The following TBX6 variants were observed in gnomAD, a reference collection of about 807,000 sequenced individuals.
The protein encoded by TBX6 is T-box transcription factor 6.
Under a neutral mutation model 42.3 loss-of-function variants are expected in TBX6, and 29 were observed. The observed-to-expected ratio is 0.69, with a 90% CI of 0.51 to 0.93. The LOEUF is 0.93. Ranked by LOEUF, TBX6 falls within the 40% of genes least tolerant of loss-of-function variation. The pLI is 0.00. For missense variants in TBX6, 569 were observed against 603.3 expected (o/e 0.94, Z 0.59); for synonymous variants, 249 against 245.1 (o/e 1.02, Z -0.15).
chr16:30,090,916 A>G lies in TBX6; in HGVS notation c.195T>C (p.Pro65=). Residue 65 remains proline (P), a synonymous_variant, in exon 3 of 9, where the codon CCT becomes CCC. Transcript: ENST00000395224. ...CCATGGCAGGGGGCAGAAGGGGCAG[A>G]GGTGGGTGCGCGGCCAGGGTGCGGG... ...AAPRTLAAHP[P]LPLLPPAMGT... 6.2e-7 allele frequency: 1 copy of G among 1,612,582 alleles called. No homozygotes were observed. Among genetic ancestry groups the G allele is most frequent in the Non-Finnish European group, 8.5e-7 (1 of 1,179,486 alleles).
rs369459605 is a variant in TBX6 at position 30,085,882 on chromosome 16, TG to T, written c.*342del. On this transcript the variant is annotated 3_prime_UTR_variant, in exon 9 of 9. Coordinates refer to ENST00000395224, the MANE Select transcript of TBX6 (RefSeq NM_004608.4). ...CTGGTGTGGCCTGCACCAGTGTGTGTGGGGGGGTGGGGATTGAGCCCCTCCA... is the reference window on the plus strand; with the variant it reads ...CTGGTGTGGCCTGCACCAGTGTGTGTGGGGGGTGGGGATTGAGCCCCTCCA... 9 of 338,746 alleles carry T rather than the reference TG, an allele frequency of 2.7e-5. No individual in the cohort carries two copies. Among genetic ancestry groups the T allele is most frequent in the African/African-American group, 6.7e-5 (3 of 44,606 alleles). The allele number at this position is 338,746 out of a possible 1,614,324, so 21.0% of individuals were successfully genotyped here. A position where few individuals can be genotyped will look rare whatever the true frequency, so the allele number is the denominator to read the frequency against.
chr16:30,091,473 C>T, intron 1 of TBX6: 2 of 361,792 alleles, frequency 5.5e-6, no homozygotes, highest in South Asian at 5.0e-5. Context: ...ATTAACTCCT[C>T]GGCTTGATTG....
At position 30,086,777 on chromosome 16, in the gene TBX6, C is replaced by T; in HGVS notation, c.913+1G>A. On this transcript the variant is annotated splice_donor_variant, in intron 7 of 8. Transcript: ENST00000395224. LOFTEE classifies it high-confidence loss of function. This position sits in a 1 kb window ranked among gnomAD's most constrained non-coding sequence, Gnocchi z 4.6. ...CCCATCGCCATCGGGACTACACTCACCTCCGCTCCCATAGGCCTCTGTGGC... is the reference window on the plus strand; with the variant it reads ...CCCATCGCCATCGGGACTACACTCATCTCCGCTCCCATAGGCCTCTGTGGC... 1 of 1,614,014 alleles carries T rather than the reference C, an allele frequency of 6.2e-7. No homozygotes were observed. Among genetic ancestry groups the T allele is most frequent in the Non-Finnish European group, 8.5e-7 (1 of 1,179,974 alleles).
rs1362094793 is a variant in TBX6 at position 30,086,093 on chromosome 16, T to C, written c.*132A>G. ...TGGGAGTGAAATCAAGGTGTGAAGT[T>C]GAGGGGGTGGGTGGGCAGGCCCAAG... On this transcript the variant is annotated 3_prime_UTR_variant, in exon 9 of 9. Coordinates refer to ENST00000395224, the MANE Select transcript of TBX6 (RefSeq NM_004608.4). The surrounding 1 kb of genome is among the most constrained non-coding windows in gnomAD (Gnocchi z 4.6). The C allele has an allele frequency of 1.6e-6, 1 of 641,174 alleles. No homozygotes were observed. The highest frequency in any genetic ancestry group is 6.0e-5 in the African/African-American group (1 of 16,560). The allele number at this position is 641,174 out of a possible 1,614,324, so 39.7% of individuals were successfully genotyped here. A position where few individuals can be genotyped will look rare whatever the true frequency, so the allele number is the denominator to read the frequency against.
Position 30,090,922 on chromosome 16 carries a change from G to A in TBX6, c.189C>T (p.His63=). The A allele has an allele frequency of 6.2e-7, 1 of 1,612,850 alleles. No homozygotes were observed. The highest frequency in any genetic ancestry group is 8.5e-7 in the Non-Finnish European group (1 of 1,179,622). ...MEAAPRTLAA[H]PPLPLLPPAM... The stretch of plus-strand genomic sequence containing the variant: ...CAGGGGGCAGAAGGGGCAGAGGTGG[G>A]TGCGCGGCCAGGGTGCGGGGAGCAG... Residue 63 remains histidine (H), a synonymous_variant, in exon 3 of 9, where the codon CAC becomes CAT. Transcript: ENST00000395224.
In TBX6 at chr16:30,085,866, C is replaced by T. The variant is rs1332796195; in HGVS notation, c.*359G>A. 2 of 316,310 alleles carry T rather than the reference C, an allele frequency of 6.3e-6. No homozygotes were observed. The highest frequency in any genetic ancestry group is 2.1e-4 in the East Asian group (2 of 9,434). 19.6% of individuals were successfully genotyped at this position (316,310 alleles called of 1,614,324 possible). Reference sequence around the variant, plus strand: ...GTCCCAGAACAACAGACTGGTGTGGCCTGCACCAGTGTGTGTGGGGGGGTG... The same window carrying T: ...GTCCCAGAACAACAGACTGGTGTGGTCTGCACCAGTGTGTGTGGGGGGGTG... On this transcript the variant is annotated 3_prime_UTR_variant, in exon 9 of 9. Transcript: ENST00000395224.
intron 1 of TBX6, 54 bp from the exon 2 acceptor site, chr16:30,091,295 C>T (rs1047907367): frequency 1.8e-5 from 18 of 1,000,806 alleles, no homozygotes; most frequent in African/African-American, 1.8e-4. Flanking sequence ...GATCCAGGAT[C>T]ACAGCCCCTC....
intron 6 of TBX6, 156 bp from the exon 7 acceptor site, chr16:30,087,007 AAAATT>A: frequency 1.3e-6 from 1 of 794,036 alleles, no homozygotes; most frequent in Non-Finnish European, 2.0e-6. Context: ...TGAAGGCCAG[AAAATT>A]AAATAACTAG....
Position 30,091,167 on chromosome 16 carries a change from C to G in TBX6, c.27G>C (p.Pro9=). The stretch of plus-strand genomic sequence containing the variant: ...CCAGGCGGTAGCCGGCCCCCAGGGA[C>G]GGGTACAATTCTCGTGGATGGTACA... MYHPRELY[P]SLGAGYRLGP... is the part of the protein sequence containing the mutation. The change falls in exon 2 of 9, where the codon CCG becomes CCC. Residue 9 remains proline (P), a synonymous_variant. Transcript: ENST00000395224. The G allele has an allele frequency of 1.3e-6, 2 of 1,592,448 alleles. No homozygotes were observed. The highest frequency in any genetic ancestry group is 1.7e-6 in the Non-Finnish European group (2 of 1,171,548).
In TBX6 at chr16:30,090,664, C is replaced by T. The variant is rs1596855096; in HGVS notation, c.353+94G>A. The T allele has an allele frequency of 2.3e-6, 3 of 1,301,916 alleles. No homozygotes were observed. In the East Asian group the frequency reaches 7.4e-5, roughly 32 times the overall value. The allele number at this position is 1,301,916 out of a possible 1,614,324, so 80.6% of individuals were successfully genotyped here. ...TCTAGGCCTAGGCAGAGCTCTAGCC[C>T]CTCGGGAACCACCCAGTCCTAGCCC... On this transcript the variant is annotated intron_variant, in intron 3 of 8. Coordinates refer to ENST00000395224, the MANE Select transcript of TBX6 (RefSeq NM_004608.4).
At position 30,086,869 on chromosome 16, in the gene TBX6, T is replaced by C; in HGVS notation, c.840-18A>G. 3.3e-6 allele frequency: 2 copies of C among 611,828 alleles called. No homozygotes were observed. Among genetic ancestry groups the C allele is most frequent in the Non-Finnish European group, 4.7e-6 (2 of 422,378 alleles). 37.9% of individuals were successfully genotyped at this position (611,828 alleles called of 1,614,324 possible). A position where few individuals can be genotyped will look rare whatever the true frequency, so the allele number is the denominator to read the frequency against. On this transcript the variant is annotated intron_variant, in intron 6 of 8. Transcript: ENST00000395224. The surrounding 1 kb of genome is among the most constrained non-coding windows in gnomAD (Gnocchi z 4.6). ...CTCGCTCCCTGGGGAACAGTGGTGG[T>C]GATGATGATGATGATGGTGATGGCC...
Position 30,086,185 on chromosome 16 carries a change from C to T in TBX6, c.*40G>A, listed in dbSNP as rs372141856. ...GGGCTCCAGGGCTGGGGGAAGGGAG[C>T]GGGAGGTTTGTGATGGAGGCAGAGG... On this transcript the variant is annotated 3_prime_UTR_variant, in exon 9 of 9. Coordinates refer to ENST00000395224, the MANE Select transcript of TBX6 (RefSeq NM_004608.4). The surrounding 1 kb of genome is among the most constrained non-coding windows in gnomAD (Gnocchi z 4.6). 3.6e-5 allele frequency: 58 copies of T among 1,597,796 alleles called. No homozygotes were observed. The highest frequency in any genetic ancestry group is 6.8e-5 in the East Asian group (3 of 43,924).
Position 30,089,192 on chromosome 16 carries a change from G to A in TBX6, c.372C>T (p.Cys124=). Residue 124 remains cysteine (C), a synonymous_variant, in exon 4 of 9, where the codon TGC becomes TGT. Coordinates refer to ENST00000395224, the MANE Select transcript of TBX6 (RefSeq NM_004608.4). ...GGTCCAGGCCAGTGACTGACACTCGGCAGGCAGGGAACATGCGCCTGTGCA... is the reference window on the plus strand; with the variant it reads ...GGTCCAGGCCAGTGACTGACACTCGACAGGCAGGGAACATGCGCCTGTGCA... ...TKAGRRMFPA[C]RVSVTGLDPE... is the part of the protein sequence containing the mutation. 5.6e-6 allele frequency: 9 copies of A among 1,613,782 alleles called. No homozygotes were observed. Among genetic ancestry groups the A allele is most frequent in the Non-Finnish European group, 7.6e-6 (9 of 1,179,874 alleles).
Position 30,088,908 on chromosome 16 carries a change from C to G in TBX6, c.621+35G>C. ...CCCTTGGCCTCCCTTCCAGCACCCC[C>G]CAACCCTATCCTGGAGTCCCAGCCT... On this transcript the variant is annotated intron_variant, in intron 4 of 8. Coordinates refer to ENST00000395224, the MANE Select transcript of TBX6 (RefSeq NM_004608.4). The surrounding 1 kb of genome is among the most constrained non-coding windows in gnomAD (Gnocchi z 4.1). 6.2e-7 allele frequency: 1 copy of G among 1,603,050 alleles called. No individual in the cohort carries two copies. Among genetic ancestry groups the G allele is most frequent in the Non-Finnish European group, 8.5e-7 (1 of 1,171,954 alleles).
rs1240143177 is a variant in TBX6 at position 30,086,122 on chromosome 16, G to GCCA, written c.*100_*102dup. The GCCA allele has an allele frequency of 8.6e-6, 11 of 1,283,340 alleles. No individual in the cohort carries two copies. The highest frequency in any genetic ancestry group is 7.2e-5 in the Admixed American group (3 of 41,912). The allele number at this position is 1,283,340 out of a possible 1,614,324, so 79.5% of individuals were successfully genotyped here. A position where few individuals can be genotyped will look rare whatever the true frequency, so the allele number is the denominator to read the frequency against. On this transcript the variant is annotated 3_prime_UTR_variant, in exon 9 of 9. Transcript: ENST00000395224. This position sits in a 1 kb window ranked among gnomAD's most constrained non-coding sequence, Gnocchi z 4.6. ...GGGGTGGGTGGGCAGGCCCAAGGCG[G>GCCA]CCATTTGGTGTGGGGGATGGGGCCG...
In TBX6 at chr16:30,091,156, GC is replaced by G; in HGVS notation, c.37del (p.Ala13ProfsTer20). The G allele has an allele frequency of 6.3e-7, 1 of 1,594,728 alleles. No individual in the cohort carries two copies. Among genetic ancestry groups the G allele is most frequent in the Non-Finnish European group, 8.5e-7 (1 of 1,172,618 alleles). On this transcript the variant is annotated frameshift_variant, in exon 2 of 9. Coordinates refer to ENST00000395224, the MANE Select transcript of TBX6 (RefSeq NM_004608.4). LOFTEE classifies it high-confidence loss of function. Reference sequence around the variant, plus strand: ...TTGGGCGGGCCCCAGGCGGTAGCCGGCCCCCAGGGACGGGTACAATTCTCGT... The same window carrying G: ...TTGGGCGGGCCCCAGGCGGTAGCCGGCCCCAGGGACGGGTACAATTCTCGT... ...HPRELYPSLG[A>X]GYRLGPAQPG...
At chr16:30,091,343 C>A (rs2072721759) in intron 1 of TBX6, 102 bp from the exon 2 acceptor site, 2 of 674,382 alleles carry the variant, frequency 3.0e-6, no homozygotes. Context: ...GGGGTGGAGA[C>A]CCCTGGGGCC....
At chr16:30,087,414 A>C (rs1287802173) in intron 6 of TBX6, among the ~76,000 whole-genome samples, 1 of 151,920 alleles carries the variant, frequency 6.6e-6, no homozygotes, top group Non-Finnish European at 1.5e-5. Flanking sequence ...CTGCAAGCGC[A>C]AGTTCCTCAA....
Position 30,086,446 on chromosome 16 carries a change from G to A in TBX6, c.1098-8C>T. ...TCCGGGAAGCTGGGGCTCCTGACATGGAGAGAGGGATGTCAGAGCAGGGCA... is the reference window on the plus strand; with the variant it reads ...TCCGGGAAGCTGGGGCTCCTGACATAGAGAGAGGGATGTCAGAGCAGGGCA... On this transcript the variant is annotated splice_polypyrimidine_tract_variant and splice_region_variant and intron_variant, in intron 8 of 8. Coordinates refer to ENST00000395224, the MANE Select transcript of TBX6 (RefSeq NM_004608.4). This position sits in a 1 kb window ranked among gnomAD's most constrained non-coding sequence, Gnocchi z 4.6. 2 of 1,504,002 alleles carry A rather than the reference G, an allele frequency of 1.3e-6. No individual in the cohort carries two copies. The highest frequency in any genetic ancestry group is 1.8e-6 in the Non-Finnish European group (2 of 1,130,732). The allele number at this position is 1,504,002 out of a possible 1,614,324, so 93.2% of individuals were successfully genotyped here. A position where few individuals can be genotyped will look rare whatever the true frequency, so the allele number is the denominator to read the frequency against.
Sources: gnomAD v4.1 joint callset for allele counts (sites outside exome capture counted in the v4.1 genomes callset) on GRCh38, gnomAD v4.1.1 for gene constraint, Gnocchi (gnomAD v3.1) non-coding constraint, MANE v1.5 for transcripts, NCBI Gene and HGNC (gene_info 2026-07-23, HGNC 2026-07-21) for gene names.